ATP8A2: variants seen among roughly 807,000 people sequenced by gnomAD.
The protein encoded by ATP8A2 is phospholipid-transporting ATPase IB.
Under a neutral mutation model 165.6 loss-of-function variants are expected in ATP8A2, and 100 were observed. The observed-to-expected ratio is 0.60, with a 90% CI of 0.51 to 0.71. ATP8A2 has a LOEUF of 0.71. ATP8A2 is among the 30% of genes least tolerant of loss of function. The pLI, the probability that ATP8A2 is intolerant of heterozygous loss-of-function variation, is 0.00. For synonymous variants in ATP8A2, 543 were observed against 548.8 expected (o/e 0.99, Z 0.15); for missense variants, 1,227 against 1,479.5 (o/e 0.83, Z 2.80).
At chr13:25,943,669 T>A (rs1374148537) in intron 33 of ATP8A2, among the ~76,000 whole-genome samples, 1 of 152,242 alleles carries the variant, frequency 6.6e-6, no homozygotes, top group African/African-American at 2.4e-5. Flanking sequence ...AACCTGTCGA[T>A]CTCTGCCTGT....
At chr13:25,880,360 T>C (rs1170137994) in intron 33 of ATP8A2, among the ~76,000 whole-genome samples, 2 of 144,726 alleles carry the variant, frequency 1.4e-5, no homozygotes, top group Admixed American at 1.4e-4. Context: ...CACAGGATAC[T>C]GTCCAGTCAG....
At chr13:25,888,823 C>T (rs1046822461) in intron 33 of ATP8A2, among the ~76,000 whole-genome samples, 5 of 152,152 alleles carry the variant, frequency 3.3e-5, no homozygotes, top group East Asian at 3.9e-4. Context: ...CGCACCATTG[C>T]GCTCCAGCCT....
chr13:25,578,664 C>G (rs1225351324), intron 20 of ATP8A2, 151 bp from the exon 21 acceptor site: 10 of 661,372 alleles, frequency 1.5e-5, no homozygotes, highest in Non-Finnish European at 2.7e-5. Context: ...TTCCAAAGCT[C>G]ATGCCTGAGC....
intron 33 of ATP8A2, among the ~76,000 whole-genome samples, chr13:25,954,567 C>T (rs1364439197): frequency 6.6e-6 from 1 of 152,196 alleles, no homozygotes; most frequent in Non-Finnish European, 1.5e-5. Context: ...GACTGGGAGA[C>T]ACCACCTCTC....
At chr13:25,639,744 CA>C (rs201162767) in intron 24 of ATP8A2, among the ~76,000 whole-genome samples, 7,630 of 152,154 alleles carry the variant, frequency 0.05, 633 homozygotes, top group African/African-American at 0.17. Context: ...AGCTGTGCAC[CA>C]AGTGGACTTA....
Position 25,403,623 on chromosome 13 carries a change from G to A in ATP8A2, c.76+31335G>A, listed in dbSNP as rs570036338. On this transcript the variant is annotated intron_variant, in intron 1 of 36. Coordinates refer to ENST00000381655, the MANE Select transcript of ATP8A2 (RefSeq NM_016529.6). The stretch of plus-strand genomic sequence containing the variant: ...CATTCTAGGCCAGCTTTCTAGATCA[G>A]GAGATTAGGTGGTTGCCTCTATCTG... Among the ~76,000 whole-genome samples, 7 of 152,316 alleles carry A rather than the reference G, an allele frequency of 4.6e-5. No individual in the cohort carries two copies. The South Asian group carries it at 1.2e-3, about 27-fold the overall frequency.
At chr13:25,670,920 T>C (rs1432698426) in intron 24 of ATP8A2, among the ~76,000 whole-genome samples, 1 of 152,206 alleles carries the variant, frequency 6.6e-6, no homozygotes, top group Non-Finnish European at 1.5e-5. Flanking sequence ...GAAAAGTTTG[T>C]TTACTTCCTT....
chr13:25,781,832 C>A (rs946731072), intron 27 of ATP8A2, among the ~76,000 whole-genome samples: 3 of 152,130 alleles, frequency 2.0e-5, no homozygotes, highest in Non-Finnish European at 2.9e-5. Flanking sequence ...CTAAATTACC[C>A]CTTCTTTCCA....
At chr13:25,894,647 T>C (rs9578934) in intron 33 of ATP8A2, among the ~76,000 whole-genome samples, 8,335 of 152,310 alleles carry the variant, frequency 0.055, 351 homozygotes, top group East Asian at 0.18. Context: ...TTTCATGATA[T>C]TGATTCTTCC....
Position 26,023,298 on chromosome 13 carries a change from G to A in ATP8A2, c.*3313G>A, listed in dbSNP as rs960183621. ...CACACCATACAAAACGTGCTTTGGGGCGAGGAGTGCTGTTTCTTTTAACAC... is the reference window on the plus strand; with the variant it reads ...CACACCATACAAAACGTGCTTTGGGACGAGGAGTGCTGTTTCTTTTAACAC... On this transcript the variant is annotated 3_prime_UTR_variant, in exon 37 of 37. Transcript: ENST00000381655. The A allele has an allele frequency of 3.9e-5, 6 of 152,152 alleles. No individual in the cohort carries two copies. The highest frequency in any genetic ancestry group is 8.8e-5 in the Non-Finnish European group (6 of 68,036). 9.4% of individuals were successfully genotyped at this position (152,152 alleles called of 1,614,324 possible).
chr13:25,970,562 C>A (rs1955889274), intron 35 of ATP8A2, among the ~76,000 whole-genome samples: 1 of 152,232 alleles, frequency 6.6e-6, no homozygotes, highest in Non-Finnish European at 1.5e-5. Context: ...GCTTTGCTAC[C>A]TACCGGTGAG....
At chr13:25,850,866 A>G (rs1951990595) in intron 30 of ATP8A2, among the ~76,000 whole-genome samples, 1 of 152,194 alleles carries the variant, frequency 6.6e-6, no homozygotes, top group Non-Finnish European at 1.5e-5. Context: ...TTTTTCCAGG[A>G]GTAGCTTATT....
At chr13:25,717,430 A>AAAAAAAC (rs1555254277) in intron 25 of ATP8A2, among the ~76,000 whole-genome samples, 3 of 151,424 alleles carry the variant, frequency 2.0e-5, no homozygotes, top group Non-Finnish European at 4.4e-5. Flanking sequence ...AAAAAAAAAA[A>AAAAAAAC]AAAAAACACC....
At chr13:25,623,347 G>GATC (rs2041020466) in intron 24 of ATP8A2, among the ~76,000 whole-genome samples, 1 of 152,158 alleles carries the variant, frequency 6.6e-6, no homozygotes, top group African/African-American at 2.4e-5. Context: ...AGTGAGCTAT[G>GATC]GTCATGCCAC....
intron 26 of ATP8A2, among the ~76,000 whole-genome samples, chr13:25,772,545 C>T (rs766909041): frequency 5.9e-5 from 9 of 152,016 alleles, no homozygotes; most frequent in Non-Finnish European, 1.0e-4. Context: ...ATTCCGAATG[C>T]GTGGTGAGCC....
At chr13:25,955,709 T>G (rs1955501871) in intron 33 of ATP8A2, among the ~76,000 whole-genome samples, 3 of 152,146 alleles carry the variant, frequency 2.0e-5, no homozygotes. Flanking sequence ...ACAGAGGAGC[T>G]GGTACCATTC....
intron 2 of ATP8A2, among the ~76,000 whole-genome samples, chr13:25,508,278 T>G (rs2137748788): frequency 6.6e-6 from 1 of 152,322 alleles, no homozygotes; most frequent in Non-Finnish European, 1.5e-5. Flanking sequence ...GGACTTTAGT[T>G]TAATTTTTAA....
At chr13:25,799,488 A>C (rs1159570677) in intron 27 of ATP8A2, among the ~76,000 whole-genome samples, 1 of 152,222 alleles carries the variant, frequency 6.6e-6, no homozygotes, top group African/African-American at 2.4e-5. Context: ...ACCTGAGTCT[A>C]AACACATGCA....
chr13:26,016,051 G>A (rs912869337), intron 36 of ATP8A2, among the ~76,000 whole-genome samples: 20 of 152,172 alleles, frequency 1.3e-4, no homozygotes, highest in African/African-American at 3.4e-4. Context: ...TCTAACTCCC[G>A]CCAGGCCTGG....
Sources: gnomAD v4.1 joint callset for allele counts (sites outside exome capture counted in the v4.1 genomes callset) on GRCh38, gnomAD v4.1.1 for gene constraint, MANE v1.5 for transcripts, NCBI Gene and HGNC (gene_info 2026-07-23, HGNC 2026-07-21) for gene names.